Variants in SDK1 observed in about 807,000 individuals in gnomAD.
The protein encoded by SDK1 is sidekick cell adhesion molecule 1.
In SDK1, 157 loss-of-function variants were observed where a neutral mutation model predicts 245.5. The observed-to-expected ratio is 0.64, with a 90% CI of 0.56 to 0.73. The LOEUF (loss-of-function observed/expected upper bound fraction) is 0.73. Among genes scored for constraint, SDK1 ranks in the 30% least tolerant of loss-of-function variants. SDK1 has a pLI of 0.00. For synonymous variants in SDK1, 1,647 were observed against 1,278.5 expected, an observed-to-expected ratio of 1.29 and a Z score of -6.15; for missense variants, 3,583 against 3,002.3, an observed-to-expected ratio of 1.19 and a Z score of -4.52.
chr7:3,710,650 C>T (rs1332061923), intron 4 of SDK1, among the ~76,000 whole-genome samples: 2 of 152,180 alleles, frequency 1.3e-5, no homozygotes, highest in East Asian at 1.9e-4. Flanking sequence ...TCGACACTCT[C>T]GTAAATTACT....
intron 1 of SDK1, among the ~76,000 whole-genome samples, chr7:3,584,179 C>A (rs1471127839): frequency 6.6e-6 from 1 of 152,270 alleles, no homozygotes; most frequent in East Asian, 1.9e-4. Flanking sequence ...TAAACAGGTG[C>A]TTGCTGTAAG....
chr7:4,216,753 T>A (rs1239642502), intron 38 of SDK1, among the ~76,000 whole-genome samples: 5 of 152,176 alleles, frequency 3.3e-5, no homozygotes, highest in Non-Finnish European at 7.4e-5. Flanking sequence ...GTGCCTGACA[T>A]CTGCAAACTC....
intron 1 of SDK1, among the ~76,000 whole-genome samples, chr7:3,548,113 C>T (rs115768313): frequency 2.1e-3 from 323 of 152,074 alleles, no homozygotes; most frequent in African/African-American, 7.4e-3. Flanking sequence ...TATAAGTTTC[C>T]CACAATTAAA....
intron 22 of SDK1, among the ~76,000 whole-genome samples, chr7:4,099,556 C>T (rs113297305): frequency 7.0e-5 from 6 of 85,444 alleles, no homozygotes; most frequent in African/African-American, 2.2e-4. Context: ...TGAGTGTGAG[C>T]GCTCACAGAG....
chr7:4,092,845 C>T (rs964197226), intron 22 of SDK1, among the ~76,000 whole-genome samples: 16 of 152,136 alleles, frequency 1.1e-4, no homozygotes, highest in Non-Finnish European at 1.6e-4. Flanking sequence ...TGAGCCCAGG[C>T]GGAGAGCAGC....
intron 30 of SDK1, among the ~76,000 whole-genome samples, chr7:4,155,522 A>G (rs1313347581): frequency 1.3e-5 from 2 of 152,242 alleles, no homozygotes; most frequent in African/African-American, 4.8e-5. Flanking sequence ...ATCATAGCAA[A>G]GTGTGAAGTA....
intron 1 of SDK1, among the ~76,000 whole-genome samples, chr7:3,489,372 A>T (rs951283607): frequency 2.0e-5 from 3 of 152,148 alleles, no homozygotes; most frequent in African/African-American, 7.2e-5. Context: ...TTTTCCGGTG[A>T]TTTTTGTCTT....
In SDK1 at chr7:3,599,162, A is replaced by C. The variant is rs993323303; in HGVS notation, c.299-19918A>C. On this transcript the variant is annotated intron_variant, in intron 1 of 44. Coordinates refer to ENST00000404826, the MANE Select transcript of SDK1 (RefSeq NM_152744.4). ...GTTCTCGCTGTTTTTTACTGTAGCC[A>C]TTCCGATAGATGTGCAGTGATATCT... 2.2e-4 allele frequency among the ~76,000 whole-genome samples: 30 copies of C among 134,292 alleles called. 1 individual carries two copies. Among genetic ancestry groups the C allele is most frequent in the African/African-American group, 7.6e-4 (27 of 35,394 alleles). The allele number at this position is 134,292 out of a possible 152,430, so 88.1% of individuals were successfully genotyped here. A position where few individuals can be genotyped will look rare whatever the true frequency, so the allele number is the denominator to read the frequency against.
At position 4,076,989 on chromosome 7, in the gene SDK1, G is replaced by A. The variant is rs369939639; in HGVS notation, c.3011-9G>A. ...AGACCAACACTGGTCTGGTCCTGTT[G>A]CTTTCTAGGCTATCAGATCTCTTGG... On this transcript the variant is annotated splice_polypyrimidine_tract_variant and intron_variant, in intron 20 of 44. Coordinates refer to ENST00000404826, the MANE Select transcript of SDK1 (RefSeq NM_152744.4). The A allele has an allele frequency of 3.7e-6, 6 of 1,612,998 alleles. No homozygotes were observed. The highest frequency in any genetic ancestry group is 1.3e-5 in the African/African-American group (1 of 74,922).
chr7:3,552,936 C>T (rs368621487), intron 1 of SDK1, among the ~76,000 whole-genome samples: 7 of 152,288 alleles, frequency 4.6e-5, no homozygotes, highest in African/African-American at 1.2e-4. Context: ...CAGTGTCTTA[C>T]ACAGTTATAA....
At chr7:4,053,086 C>CAAA (rs923402926) in intron 19 of SDK1, among the ~76,000 whole-genome samples, 17 of 60,074 alleles carry the variant, frequency 2.8e-4, no homozygotes, top group African/African-American at 3.8e-4. Context: ...GACTCTGTCT[C>CAAA]AAAAAAAAAA....
chr7:4,024,625 A>C (rs75252502), intron 17 of SDK1, among the ~76,000 whole-genome samples: 1 of 152,150 alleles, frequency 6.6e-6, no homozygotes, highest in East Asian at 1.9e-4. Context: ...TCACTGTCTT[A>C]CTCCATTCAT....
chr7:4,176,565 T>A lies in SDK1; in HGVS notation c.4996+731T>A, dbSNP rs572294501. ...TCAGTGGCATTAAGCACATTCACAC[T>A]GTTATGCAGCCGTCACCATCATTCT... On this transcript the variant is annotated intron_variant, in intron 34 of 44. Coordinates refer to ENST00000404826, the MANE Select transcript of SDK1 (RefSeq NM_152744.4). Among the ~76,000 whole-genome samples the A allele has an allele frequency of 5.3e-5, 8 of 152,308 alleles. No homozygotes were observed. In the South Asian group the frequency reaches 1.5e-3, roughly 28 times the overall value.
chr7:3,967,430 A>T lies in SDK1; in HGVS notation c.1542A>T (p.Lys514Asn). 1 of 1,604,082 alleles carries T rather than the reference A, an allele frequency of 6.2e-7. No homozygotes were observed. Among genetic ancestry groups the T allele is most frequent in the Non-Finnish European group, 8.5e-7 (1 of 1,170,870 alleles). ...CTCCCAAACCCGCCATCACCTGGAAAAGAGGTGGGTAGCATCCACTGCCCA... is the reference window on the plus strand; with the variant it reads ...CTCCCAAACCCGCCATCACCTGGAATAGAGGTGGGTAGCATCCACTGCCCA... ...SGAPKPAITW[K>N]RENHILASGS... The change falls in exon 10 of 45, where the codon AAA (lysine) becomes AAT (asparagine). Residue 514 changes from lysine (K) to asparagine (N), a missense_variant. Lys to Asn is a moderately conservative substitution (Grantham distance 94). Transcript: ENST00000404826.
At chr7:3,754,781 G>C (rs1464728816) in intron 4 of SDK1, among the ~76,000 whole-genome samples, 2 of 152,134 alleles carry the variant, frequency 1.3e-5, no homozygotes, top group South Asian at 2.1e-4. Flanking sequence ...GATAGTACCC[G>C]ATTCACTAAA....
intron 4 of SDK1, among the ~76,000 whole-genome samples, chr7:3,674,283 A>T (rs1458415896): frequency 1.3e-5 from 2 of 152,150 alleles, no homozygotes; most frequent in African/African-American, 4.8e-5. Context: ...ATTTGAGAAG[A>T]GGCGGGTGGA....
At chr7:3,781,567 G>C (rs1256867521) in intron 4 of SDK1, among the ~76,000 whole-genome samples, 1 of 152,152 alleles carries the variant, frequency 6.6e-6, no homozygotes, top group Non-Finnish European at 1.5e-5. Context: ...TTCAATAGTA[G>C]ACCCCAAAGA....
chr7:3,902,321 G>A (rs1468492054), intron 5 of SDK1, among the ~76,000 whole-genome samples: 1 of 152,120 alleles, frequency 6.6e-6, no homozygotes, highest in African/African-American at 2.4e-5. Flanking sequence ...CCCACAATAA[G>A]AACCCTGATT....
Position 3,397,254 on chromosome 7 carries a change from T to C in SDK1, c.298+95370T>C, listed in dbSNP as rs74302042. Reference sequence around the variant, plus strand: ...AGAAAAGCGTTCTCAAAAACAATTATATTGTATTTTATATTTACCTATTTA... The same window carrying C: ...AGAAAAGCGTTCTCAAAAACAATTACATTGTATTTTATATTTACCTATTTA... On this transcript the variant is annotated intron_variant, in intron 1 of 44. Transcript: ENST00000404826. 8.6e-4 allele frequency among the ~76,000 whole-genome samples: 131 copies of C among 152,098 alleles called. 3 individuals are homozygous for C. The East Asian group carries it at 0.022, about 26-fold the overall frequency.
Sources: gnomAD v4.1 joint callset for allele counts (sites outside exome capture counted in the v4.1 genomes callset) on GRCh38, gnomAD v4.1.1 for gene constraint, MANE v1.5 for transcripts, NCBI Gene and HGNC (gene_info 2026-07-23, HGNC 2026-07-21) for gene names.